NBPF11: variants seen among roughly 807,000 people sequenced by gnomAD.
NBPF11 encodes the protein NBPF family member NBPF11.
NBPF11 carries 72 observed loss-of-function variants against 93.9 expected under a neutral mutation model. The observed-to-expected ratio is 0.77, with a 90% CI of 0.63 to 0.93. The LOEUF is 0.93. NBPF11 is among the 40% of genes least tolerant of loss of function. The probability of loss-of-function intolerance (pLI) is 0.00; values close to 1 mark genes in which losing one functional copy is unlikely to be tolerated. For synonymous variants in NBPF11, 224 were observed against 304.9 expected, an observed-to-expected ratio of 0.73 and a Z score of 2.76; for missense variants, 705 against 802.2, an observed-to-expected ratio of 0.88 and a Z score of 1.46.
chr1:148,141,593 T>C (rs1276997816), intron 2 of NBPF11, among the ~76,000 whole-genome samples: 1 of 151,862 alleles, frequency 6.6e-6, no homozygotes, highest in Non-Finnish European at 1.5e-5. Context: ...CAGTTGGAGA[T>C]TTCAATGCCT....
intron 15 of NBPF11, among the ~76,000 whole-genome samples, chr1:148,113,348 C>G (rs1287719539): frequency 3.3e-5 from 5 of 151,806 alleles, no homozygotes; most frequent in South Asian, 2.1e-4. Flanking sequence ...GACTTTAAAC[C>G]AACAAAGATC....
At position 148,110,686 on chromosome 1, in the gene NBPF11, C is replaced by T; in HGVS notation, c.1638-145G>A. The T allele has an allele frequency of 2.7e-6, 2 of 741,096 alleles. 1 individual carries two copies. The highest frequency in any genetic ancestry group is 4.4e-6 in the Non-Finnish European group (2 of 455,660). The allele number at this position is 741,096 out of a possible 1,614,324, so 45.9% of individuals were successfully genotyped here. A position where few individuals can be genotyped will look rare whatever the true frequency, so the allele number is the denominator to read the frequency against. On this transcript the variant is annotated intron_variant, in intron 15 of 23. Transcript: ENST00000682118. ...TTTCCTTCAAGAGAAATAAAACTATCCTTCTAAATACAGGGTGGAGGGTGA... is the reference window on the plus strand; with the variant it reads ...TTTCCTTCAAGAGAAATAAAACTATTCTTCTAAATACAGGGTGGAGGGTGA...
At chr1:148,139,391 G>A (rs1439954766) in intron 2 of NBPF11, among the ~76,000 whole-genome samples, 1 of 147,344 alleles carries the variant, frequency 6.8e-6, no homozygotes, top group African/African-American at 2.6e-5. Context: ...ACAGGAAAAT[G>A]TAAATATAAT....
intron 15 of NBPF11, 45 bp downstream of exon 15, chr1:148,114,392 C>A (rs1665992534): frequency 1.8e-6 from 1 of 555,462 alleles, no homozygotes; most frequent in Non-Finnish European, 3.2e-6. Context: ...CTACAATCTC[C>A]AGATGTCACT....
intron 1 of NBPF11, among the ~76,000 whole-genome samples, chr1:148,144,262 A>T (rs1417257131): frequency 6.7e-6 from 1 of 148,914 alleles, no homozygotes; most frequent in Admixed American, 6.7e-5. Flanking sequence ...TCACTAGGTT[A>T]TGCTGCAGTA....
intron 21 of NBPF11, among the ~76,000 whole-genome samples, chr1:148,105,820 A>C (rs1663458938): frequency 7.1e-6 from 1 of 140,356 alleles, no homozygotes; most frequent in Non-Finnish European, 1.5e-5. Context: ...TCCAGGTGAC[A>C]CACTGATGAG....
intron 5 of NBPF11, 49 bp downstream of exon 5, chr1:148,126,780 T>C (rs1669222668): frequency 3.8e-6 from 6 of 1,596,006 alleles, no homozygotes; most frequent in Non-Finnish European, 5.1e-6. Context: ...AGAGAGCATT[T>C]AGTGTCTCAC....
At chr1:148,124,112 G>C (rs1465326067) in intron 6 of NBPF11, 45 bp from the exon 7 acceptor site, 8 of 1,608,752 alleles carry the variant, frequency 5.0e-6, no homozygotes, top group Non-Finnish European at 6.8e-6. Context: ...AAAGCATTGA[G>C]TGATCCGTTC....
At chr1:148,149,836 A>G (rs2149318033) in intron 1 of NBPF11, among the ~76,000 whole-genome samples, 1 of 152,160 alleles carries the variant, frequency 6.6e-6, no homozygotes, top group African/African-American at 2.4e-5. Context: ...GAGGACATAT[A>G]AATGGCAATA....
rs1430501865 is a variant in NBPF11 at position 148,146,793 on chromosome 1, C to G, written c.-548-3107G>C. Reference sequence around the variant, plus strand: ...GCCAGATGAGCAGCTTCTACATTGGCCTGGGCTCCCGCCTCCACTGCAACA... The same window carrying G: ...GCCAGATGAGCAGCTTCTACATTGGGCTGGGCTCCCGCCTCCACTGCAACA... On this transcript the variant is annotated intron_variant, in intron 1 of 23. Coordinates refer to ENST00000682118, the MANE Select transcript of NBPF11 (RefSeq NM_001385469.3). 3,470 of 1,613,350 alleles carry G rather than the reference C, an allele frequency of 2.2e-3. 134 individuals are homozygous for G. The African/African-American group carries it at 0.041, about 19-fold the overall frequency.
chr1:148,121,576 C>T (rs1667869053), intron 9 of NBPF11, among the ~76,000 whole-genome samples: 1 of 151,500 alleles, frequency 6.6e-6, no homozygotes, highest in South Asian at 2.1e-4. Context: ...AGGATGGTCT[C>T]AATCTCCTGA....
chr1:148,151,514 G>A (rs2149322018), intron 1 of NBPF11, among the ~76,000 whole-genome samples: 1 of 152,064 alleles, frequency 6.6e-6, no homozygotes, highest in East Asian at 1.9e-4. Flanking sequence ...ACACCTGCCA[G>A]GGAGTTTCTT....
At chr1:148,121,858 T>A (rs1362972560) in intron 9 of NBPF11, among the ~76,000 whole-genome samples, 197 bp downstream of exon 9, 1 of 151,886 alleles carries the variant, frequency 6.6e-6, no homozygotes, top group African/African-American at 2.4e-5. Flanking sequence ...TCCAGGCTGG[T>A]CTTCAACTCC....
chr1:148,111,572 G>C (rs1425202920), intron 15 of NBPF11, among the ~76,000 whole-genome samples: 1 of 151,298 alleles, frequency 6.6e-6, no homozygotes, highest in African/African-American at 2.4e-5. Flanking sequence ...ACCTGATGGA[G>C]CTGAAAACCA....
intron 2 of NBPF11, among the ~76,000 whole-genome samples, chr1:148,140,767 T>C (rs1672041549): frequency 6.6e-6 from 1 of 151,728 alleles, no homozygotes; most frequent in Admixed American, 6.6e-5. Flanking sequence ...CTGTCAAAGA[T>C]CAGGAACAAC....
At position 148,125,390 on chromosome 1, in the gene NBPF11, G is replaced by A. The variant is rs1243060001; in HGVS notation, c.176-389C>T. ...TCTTGTACAGTCAGGAAGGCCCCTA[G>A]GACTATGGGACTGATGGTTTCCCTT... On this transcript the variant is annotated intron_variant, in intron 5 of 23. Transcript: ENST00000682118. Among the ~76,000 whole-genome samples, 15 of 151,930 alleles carry A rather than the reference G, an allele frequency of 9.9e-5. 1 individual carries two copies. The highest frequency in any genetic ancestry group is 3.6e-4 in the African/African-American group (15 of 41,224).
chr1:148,122,767 A>T lies in NBPF11; in HGVS notation c.528T>A (p.Val176=). 6.2e-7 allele frequency: 1 copy of T among 1,610,018 alleles called. No individual in the cohort carries two copies. Among genetic ancestry groups the T allele is most frequent in the South Asian group, 1.1e-5 (1 of 90,940 alleles). The change falls in exon 8 of 24, where the codon GTT becomes GTA. Residue 176 remains valine, a synonymous_variant. Coordinates refer to ENST00000682118, the MANE Select transcript of NBPF11 (RefSeq NM_001385469.3). ...ATTCCAGTACTTTCTCATCCTCCTC[A>T]ACTTGAACATCTTCATCCTCATCTT... The part of the protein sequence containing the change: ...NDEDEDEDVQ[V]EEDEKVLESS...
chr1:148,118,332 T>C, intron 11 of NBPF11, among the ~76,000 whole-genome samples: 3 of 151,822 alleles, frequency 2.0e-5, no homozygotes, highest in African/African-American at 7.3e-5. Flanking sequence ...GTATACTGAA[T>C]GCTGCTGTGT....
At chr1:148,113,121 A>T (rs1665697439) in intron 15 of NBPF11, among the ~76,000 whole-genome samples, 1 of 152,182 alleles carries the variant, frequency 6.6e-6, no homozygotes, top group African/African-American at 2.4e-5. Flanking sequence ...ACATAACCAT[A>T]TTAACCTTAA....
Sources: allele counts gnomAD v4.1 joint callset (sites outside exome capture counted in the v4.1 genomes callset), GRCh38; gene constraint gnomAD v4.1.1; transcripts MANE v1.5; gene names NCBI Gene and HGNC (gene_info 2026-07-23, HGNC 2026-07-21).